ARHGAP10: variants seen among roughly 807,000 people sequenced by gnomAD.
ARHGAP10 encodes the protein Rho GTPase activating protein 10.
In ARHGAP10, 87 loss-of-function variants were observed where a neutral mutation model predicts 108.6. The ratio of observed to expected loss-of-function variants is 0.80; its 90% CI spans 0.67 to 0.96. ARHGAP10 has a LOEUF of 0.96. Ranked by LOEUF, ARHGAP10 falls within the 40% of genes least tolerant of loss-of-function variation. The pLI is 0.00. For synonymous variants in ARHGAP10, 347 were observed against 341.1 expected (o/e 1.02, Z -0.19); for missense variants, 939 against 954.5 (o/e 0.98, Z 0.21).
At chr4:147,907,999 T>C (rs1736571854) in intron 11 of ARHGAP10, among the ~76,000 whole-genome samples, 1 of 152,118 alleles carries the variant, frequency 6.6e-6, no homozygotes, top group Non-Finnish European at 1.5e-5. Flanking sequence ...TGTGTCACCA[T>C]GCCCAGCTAA....
intron 20 of ARHGAP10, among the ~76,000 whole-genome samples, chr4:148,058,084 G>C (rs562172964): frequency 6.6e-6 from 1 of 152,240 alleles, no homozygotes; most frequent in East Asian, 1.9e-4. Flanking sequence ...AGGAATAACT[G>C]GCATTTATTT....
At chr4:147,952,694 C>G (rs1738650510) in intron 15 of ARHGAP10, among the ~76,000 whole-genome samples, 1 of 152,004 alleles carries the variant, frequency 6.6e-6, no homozygotes, top group Admixed American at 6.6e-5. Context: ...GTATTTTCTT[C>G]ATTCTGTGAC....
intron 11 of ARHGAP10, among the ~76,000 whole-genome samples, chr4:147,907,816 A>C (rs1736564773): frequency 6.6e-6 from 1 of 152,172 alleles, no homozygotes; most frequent in Non-Finnish European, 1.5e-5. Context: ...GTCTTACCAT[A>C]TTTGGGATGC....
At chr4:147,852,853 G>A (rs986970132) in intron 4 of ARHGAP10, among the ~76,000 whole-genome samples, 1 of 151,632 alleles carries the variant, frequency 6.6e-6, no homozygotes, top group African/African-American at 2.4e-5. Flanking sequence ...CAAGTAGCTG[G>A]GATTACAGAC....
chr4:147,766,832 A>ATT (rs1165274295), intron 1 of ARHGAP10, among the ~76,000 whole-genome samples: 97 of 27,894 alleles, frequency 3.5e-3, no homozygotes, highest in Non-Finnish European at 7.1e-3. Flanking sequence ...ATATATATAT[A>ATT]TATATATTTA....
At chr4:147,767,858 A>G (rs771771456) in intron 1 of ARHGAP10, among the ~76,000 whole-genome samples, 20 of 152,218 alleles carry the variant, frequency 1.3e-4, no homozygotes, top group Non-Finnish European at 2.1e-4. Flanking sequence ...ACATATTTGT[A>G]TTATCAAGGG....
chr4:148,046,807 TA>T (rs1435442822), intron 19 of ARHGAP10, 84 bp from the exon 20 acceptor site: 9 of 1,305,668 alleles, frequency 6.9e-6, no homozygotes, highest in South Asian at 3.0e-5. Flanking sequence ...TTTGATTGAC[TA>T]ATCAAGTAAC....
chr4:147,923,737 G>A (rs187134518), intron 13 of ARHGAP10, among the ~76,000 whole-genome samples: 7 of 152,168 alleles, frequency 4.6e-5, no homozygotes, highest in Non-Finnish European at 8.8e-5. Flanking sequence ...AAACCTTACC[G>A]CTTGAAGATT....
chr4:147,843,707 A>G (rs952384489), intron 3 of ARHGAP10, among the ~76,000 whole-genome samples: 1 of 152,030 alleles, frequency 6.6e-6, no homozygotes, highest in African/African-American at 2.4e-5. Flanking sequence ...AGTAGAGACA[A>G]GGTTTCTCCA....
At chr4:147,760,360 A>C (rs1315263198) in intron 1 of ARHGAP10, among the ~76,000 whole-genome samples, 1 of 152,164 alleles carries the variant, frequency 6.6e-6, no homozygotes, top group Non-Finnish European at 1.5e-5. Context: ...ATATCTAGAG[A>C]GCTTAACCAG....
Position 147,791,670 on chromosome 4 carries a change from C to T in ARHGAP10, c.155-31057C>T, listed in dbSNP as rs539538832. On this transcript the variant is annotated intron_variant, in intron 1 of 22. Transcript: ENST00000336498. ...TGCAATCTCAGCTCCCTGTAACTTC[C>T]GCCTCCTGGGTTCCAGCGATTCTCC... 2.3e-3 allele frequency among the ~76,000 whole-genome samples: 349 copies of T among 151,980 alleles called. 7 individuals are homozygous for T. Among genetic ancestry groups the T allele is most frequent in the South Asian group, 0.02 (96 of 4,818 alleles).
At chr4:147,865,735 G>C (rs867626749) in intron 6 of ARHGAP10, 2 of 152,298 alleles carry the variant, frequency 1.3e-5, no homozygotes, top group Middle Eastern at 3.4e-3. Context: ...GAATAACCAA[G>C]TAATGATTAA....
intron 18 of ARHGAP10, among the ~76,000 whole-genome samples, chr4:147,990,302 A>G (rs1462001382): frequency 6.6e-6 from 1 of 152,254 alleles, no homozygotes; most frequent in Non-Finnish European, 1.5e-5. Flanking sequence ...AATGGCAAAC[A>G]GTAACATCCT....
chr4:147,906,559 G>T, intron 10 of ARHGAP10, 79 bp from the exon 11 acceptor site: 3 of 1,415,222 alleles, frequency 2.1e-6, no homozygotes, highest in South Asian at 1.2e-5. Flanking sequence ...AAAAAAAATG[G>T]TTACAACAGT....
At chr4:147,837,650 T>TGTTTTTTTTTTTTTTTTG (rs1553955213) in intron 3 of ARHGAP10, among the ~76,000 whole-genome samples, 1 of 112,006 alleles carries the variant, frequency 8.9e-6, no homozygotes, top group Non-Finnish European at 1.8e-5. Context: ...ACTGTTTTTT[T>TGTTTTTTTTTTTTTTTTG]TTTTTTTTTT....
intron 13 of ARHGAP10, among the ~76,000 whole-genome samples, chr4:147,926,462 C>T (rs1737465551): frequency 6.6e-6 from 1 of 152,092 alleles, no homozygotes; most frequent in Non-Finnish European, 1.5e-5. Flanking sequence ...CTAAGCCTCC[C>T]AGACCAGGTG....
chr4:147,824,195 A>G (rs999059516), intron 3 of ARHGAP10, among the ~76,000 whole-genome samples: 36 of 151,736 alleles, frequency 2.4e-4, no homozygotes, highest in Admixed American at 2.4e-3. Flanking sequence ...GGTGGCATGC[A>G]CCTGTAATCC....
chr4:147,996,301 T>C (rs565305827), intron 18 of ARHGAP10, among the ~76,000 whole-genome samples: 3 of 152,220 alleles, frequency 2.0e-5, no homozygotes, highest in East Asian at 1.9e-4. Flanking sequence ...AACATCAAAA[T>C]GGAAACTAAA....
At chr4:148,016,983 TAA>T (rs767261865) in intron 18 of ARHGAP10, among the ~76,000 whole-genome samples, 57 of 112,592 alleles carry the variant, frequency 5.1e-4, no homozygotes, top group Middle Eastern at 4.8e-3. Context: ...TCATCTCTAT[TAA>T]AAAAAAAAAA....
Sources: gnomAD v4.1 joint callset for allele counts (sites outside exome capture counted in the v4.1 genomes callset) on GRCh38, gnomAD v4.1.1 for gene constraint, MANE v1.5 for transcripts, NCBI Gene and HGNC (gene_info 2026-07-23, HGNC 2026-07-21) for gene names.